Variants in TENM2 observed in about 807,000 individuals in gnomAD.
TENM2 encodes the protein teneurin transmembrane protein 2, also known as teneurin-2.
TENM2 carries 52 observed loss-of-function variants against 245.2 expected under a neutral mutation model. The ratio of observed to expected loss-of-function variants is 0.21; its 90% CI spans 0.17 to 0.27. The LOEUF is 0.27. TENM2 is among the 10% of genes least tolerant of loss of function. The pLI, the probability that TENM2 is intolerant of heterozygous loss-of-function variation, is 1.00. For synonymous variants in TENM2, 1,363 were observed against 1,438.9 expected (o/e 0.95, Z 1.19); for missense variants, 3,046 against 3,666.8 (o/e 0.83, Z 4.37).
chr5:167,183,452 G>A, the TENM2 span, among the ~76,000 whole-genome samples: 1 of 152,126 alleles, frequency 6.6e-6, no homozygotes, highest in East Asian at 1.9e-4. Flanking sequence ...AGACAATATA[G>A]CCAACCTCTT....
chr5:167,461,145 G>A (rs991342795), intron 2 of TENM2, among the ~76,000 whole-genome samples: 3 of 151,378 alleles, frequency 2.0e-5, no homozygotes, highest in African/African-American at 7.3e-5. Flanking sequence ...AAGGTTTAAA[G>A]TTATTTTGTT....
the TENM2 span, among the ~76,000 whole-genome samples, chr5:167,218,379 T>C: frequency 3.9e-5 from 6 of 152,276 alleles, no homozygotes; most frequent in South Asian, 2.1e-4. Context: ...AAATTTTTTT[T>C]CCCCTCCTGG....
chr5:167,750,558 G>A, intron 2 of TENM2, among the ~76,000 whole-genome samples: 1 of 152,130 alleles, frequency 6.6e-6, no homozygotes, highest in East Asian at 1.9e-4. Context: ...CATAGAAGCA[G>A]TTAATCAAGG....
At chr5:167,610,043 C>G (rs888730936) in intron 2 of TENM2, among the ~76,000 whole-genome samples, 5 of 152,210 alleles carry the variant, frequency 3.3e-5, no homozygotes, top group African/African-American at 9.6e-5. Context: ...TTCTACAAGC[C>G]CCTCTCTTAA....
intron 1 of TENM2, among the ~76,000 whole-genome samples, chr5:167,362,264 T>C (rs1759764154): frequency 6.6e-6 from 1 of 152,226 alleles, no homozygotes; most frequent in African/African-American, 2.4e-5. Flanking sequence ...TTTTATAAGC[T>C]CAATGGCTGG....
intron 2 of TENM2, among the ~76,000 whole-genome samples, chr5:167,494,755 A>G (rs909387539): frequency 6.6e-6 from 1 of 152,080 alleles, no homozygotes; most frequent in Admixed American, 6.6e-5. Flanking sequence ...TAAAAATCCA[A>G]TTATGCCATT....
At chr5:168,025,686 A>G (rs1283164595) in intron 5 of TENM2, among the ~76,000 whole-genome samples, 2 of 152,186 alleles carry the variant, frequency 1.3e-5, no homozygotes, top group Non-Finnish European at 2.9e-5. Context: ...TGGTTCAGGT[A>G]TGAGATTAGA....
At position 168,050,627 on chromosome 5, in the gene TENM2, A is replaced by T. The variant is rs563767824; in HGVS notation, c.1309+3078A>T. 4.6e-5 allele frequency among the ~76,000 whole-genome samples: 7 copies of T among 152,216 alleles called. No homozygotes were observed. In the South Asian group the frequency reaches 1.4e-3, roughly 32 times the overall value. ...AATGTAAGCAAAACACAGGCATGTGAGTCCCATCTAAGATGGCACATCGAT... is the reference window on the plus strand; with the variant it reads ...AATGTAAGCAAAACACAGGCATGTGTGTCCCATCTAAGATGGCACATCGAT... On this transcript the variant is annotated intron_variant, in intron 6 of 28. Coordinates refer to ENST00000518659, the Ensembl canonical transcript of TENM2.
intron 1 of TENM2, among the ~76,000 whole-genome samples, chr5:167,350,343 A>G (rs1758748286): frequency 1.3e-5 from 2 of 151,888 alleles, no homozygotes; most frequent in South Asian, 4.2e-4. Flanking sequence ...AACTTCAAAC[A>G]ATTCAATACT....
chr5:167,649,070 CA>C (rs1780166070), intron 2 of TENM2, among the ~76,000 whole-genome samples: 1 of 152,084 alleles, frequency 6.6e-6, no homozygotes, highest in African/African-American at 2.4e-5. Flanking sequence ...TCTGTCACAC[CA>C]CAAAGAGTAT....
chr5:167,219,521 G>A, the TENM2 span, among the ~76,000 whole-genome samples: 15 of 152,304 alleles, frequency 9.8e-5, no homozygotes, highest in East Asian at 2.9e-3. Flanking sequence ...TCTTTACAGG[G>A]CCATTGTTCT....
the TENM2 span, among the ~76,000 whole-genome samples, chr5:167,006,261 C>T: frequency 7.2e-5 from 11 of 152,018 alleles, no homozygotes; most frequent in Non-Finnish European, 1.2e-4. Flanking sequence ...TTAGGGAATT[C>T]GATTTGGTCA....
intron 20 of TENM2, among the ~76,000 whole-genome samples, chr5:168,213,698 G>A (rs1277239932): frequency 6.6e-6 from 1 of 152,082 alleles, no homozygotes; most frequent in Non-Finnish European, 1.5e-5. Flanking sequence ...GCCAGGCATG[G>A]TGGCATGCAC....
At chr5:166,980,698 G>A in the TENM2 span, among the ~76,000 whole-genome samples, 1 of 152,222 alleles carries the variant, frequency 6.6e-6, no homozygotes, top group African/African-American at 2.4e-5. Flanking sequence ...CTAAGCCATG[G>A]AAAAATGAAC....
chr5:167,530,580 G>T (rs1181979947), intron 2 of TENM2, among the ~76,000 whole-genome samples: 2 of 152,014 alleles, frequency 1.3e-5, no homozygotes, highest in Admixed American at 1.3e-4. Context: ...TCATTACATC[G>T]ATCCCCTGCT....
intron 25 of TENM2, among the ~76,000 whole-genome samples, chr5:168,233,756 T>C (rs939699523): frequency 6.6e-6 from 1 of 152,150 alleles, no homozygotes; most frequent in Non-Finnish European, 1.5e-5. Flanking sequence ...TTGGACTTAC[T>C]TACAGTTCCA....
intron 2 of TENM2, among the ~76,000 whole-genome samples, chr5:167,700,689 G>A (rs1758079227): frequency 6.6e-6 from 1 of 151,974 alleles, no homozygotes; most frequent in Non-Finnish European, 1.5e-5. Flanking sequence ...ATGCTTTTCT[G>A]GGTTATATGA....
intron 5 of TENM2, among the ~76,000 whole-genome samples, chr5:168,019,168 G>A (rs1051346024): frequency 6.6e-6 from 1 of 152,138 alleles, no homozygotes; most frequent in Non-Finnish European, 1.5e-5. Flanking sequence ...ATTAACACTG[G>A]AGCAAAAAGT....
At chr5:167,781,831 A>G (rs1455140945) in intron 2 of TENM2, among the ~76,000 whole-genome samples, 5 of 150,088 alleles carry the variant, frequency 3.3e-5, no homozygotes. Context: ...AGTCTGGACA[A>G]CATGACAAAA....
Sources: allele counts gnomAD v4.1 joint callset (sites outside exome capture counted in the v4.1 genomes callset), GRCh38; gene constraint gnomAD v4.1.1; transcripts MANE v1.5; gene names NCBI Gene and HGNC (gene_info 2026-07-23, HGNC 2026-07-21).